The following HPSE2 variants were observed in gnomAD, a reference collection of about 807,000 sequenced individuals.
HPSE2 encodes heparanase 2 (inactive).
In HPSE2, 38 loss-of-function variants were observed where a neutral mutation model predicts 60.5. That is an observed-to-expected ratio of 0.63 (90% CI 0.48 to 0.82). HPSE2 has a LOEUF of 0.82. HPSE2 is among the 40% of genes least tolerant of loss of function. The pLI is 0.00. For missense variants in HPSE2, 713 were observed against 740.4 expected, an observed-to-expected ratio of 0.96 and a Z score of 0.43; for synonymous variants, 295 against 293.2, an observed-to-expected ratio of 1.01 and a Z score of -0.06.
intron 3 of HPSE2, among the ~76,000 whole-genome samples, chr10:99,024,210 A>G (rs1406966275): frequency 1.3e-5 from 2 of 152,200 alleles, no homozygotes; most frequent in Non-Finnish European, 2.9e-5. Flanking sequence ...TATACTGAAG[A>G]ATGCATCAGA....
At chr10:99,182,243 C>T (rs1847806311) in intron 2 of HPSE2, among the ~76,000 whole-genome samples, 1 of 152,154 alleles carries the variant, frequency 6.6e-6, no homozygotes, top group Non-Finnish European at 1.5e-5. Context: ...CCTCTAATTC[C>T]AGGCTTCTAC....
At chr10:99,236,000 T>C (rs1401868957), upstream of HPSE2, 1 of 224,838 alleles carries the variant, frequency 4.4e-6, no homozygotes, top group African/African-American at 3.7e-5. Flanking sequence ...TGTTTTTTTC[T>C]TTTTTTTTTT....
At chr10:98,870,565 T>C (rs559142501) in intron 3 of HPSE2, among the ~76,000 whole-genome samples, 1 of 152,088 alleles carries the variant, frequency 6.6e-6, no homozygotes, top group Non-Finnish European at 1.5e-5. Flanking sequence ...CCTTGAAAAC[T>C]GGATAGGAAA....
chr10:98,937,820 C>G (rs941482669), intron 3 of HPSE2, among the ~76,000 whole-genome samples: 2 of 143,160 alleles, frequency 1.4e-5, no homozygotes, highest in Non-Finnish European at 1.5e-5. Flanking sequence ...CCCAAGCAGC[C>G]TAACTGGGAG....
intron 2 of HPSE2, among the ~76,000 whole-genome samples, chr10:99,200,958 T>G (rs979744293): frequency 2.6e-5 from 4 of 152,192 alleles, no homozygotes; most frequent in African/African-American, 9.6e-5. Flanking sequence ...TCAAATTGTC[T>G]GCCTGCATTT....
At chr10:99,029,110 C>T (rs1052244061) in intron 3 of HPSE2, among the ~76,000 whole-genome samples, 1 of 152,100 alleles carries the variant, frequency 6.6e-6, no homozygotes, top group Non-Finnish European at 1.5e-5. Context: ...GTATAGGCAA[C>T]CAAAGAAGAA....
At chr10:99,240,188 T>A (rs965914647), upstream of HPSE2, among the ~76,000 whole-genome samples, 1 of 150,638 alleles carries the variant, frequency 6.6e-6, no homozygotes, top group South Asian at 2.1e-4. Context: ...AAACTCCATC[T>A]CAAAAAAAGA....
intron 3 of HPSE2, among the ~76,000 whole-genome samples, chr10:99,143,918 A>G (rs1214540096): frequency 6.6e-6 from 1 of 152,182 alleles, no homozygotes; most frequent in African/African-American, 2.4e-5. Context: ...CATACACAGA[A>G]AGAGGAAAAT....
the HPSE2 span, among the ~76,000 whole-genome samples, chr10:99,246,767 T>C: frequency 6.6e-6 from 1 of 152,022 alleles, no homozygotes; most frequent in Non-Finnish European, 1.5e-5. Context: ...AATCAATTTG[T>C]ATATATAGAA....
the HPSE2 span, among the ~76,000 whole-genome samples, chr10:99,315,425 C>G: frequency 6.6e-6 from 1 of 152,174 alleles, no homozygotes; most frequent in Non-Finnish European, 1.5e-5. Flanking sequence ...CACCGTCGTT[C>G]ACAGACGACC....
chr10:99,181,291 G>A (rs911670738), intron 2 of HPSE2, among the ~76,000 whole-genome samples: 3 of 147,596 alleles, frequency 2.0e-5, no homozygotes, highest in East Asian at 2.0e-4. Flanking sequence ...CCAGCTACTC[G>A]GGAGGCTGAG....
intron 9 of HPSE2, among the ~76,000 whole-genome samples, chr10:98,491,122 T>C (rs1941628412): frequency 6.6e-6 from 1 of 152,214 alleles, no homozygotes. Context: ...GTGAATATAC[T>C]ATTCAGTGCA....
At chr10:98,915,356 C>G (rs529636584) in intron 3 of HPSE2, among the ~76,000 whole-genome samples, 1 of 152,084 alleles carries the variant, frequency 6.6e-6, no homozygotes, top group Non-Finnish European at 1.5e-5. Context: ...ACTGTGTTAG[C>G]CAGGATGGTC....
chr10:99,077,739 C>G (rs7894666), intron 3 of HPSE2, among the ~76,000 whole-genome samples: 1 of 150,128 alleles, frequency 6.7e-6, no homozygotes, highest in Non-Finnish European at 1.5e-5. Context: ...TGTGTGTGTA[C>G]TACACACACA....
At chr10:98,702,907 C>T (rs1948448676) in intron 5 of HPSE2, among the ~76,000 whole-genome samples, 1 of 151,510 alleles carries the variant, frequency 6.6e-6, no homozygotes, top group Non-Finnish European at 1.5e-5. Context: ...CAAAAGCTAG[C>T]AGAAGAGAAG....
Position 98,663,533 on chromosome 10 carries a change from A to G in HPSE2, c.1005-21593T>C, listed in dbSNP as rs79151341. On this transcript the variant is annotated intron_variant, in intron 6 of 11. Transcript: ENST00000370552. ...ACATGTTGGGATCCAACAAGGGAGC[A>G]AGGGGACACAGGAAGAACAGAGAAG... 3.1e-3 allele frequency among the ~76,000 whole-genome samples: 467 copies of G among 152,266 alleles called. 1 individual carries two copies. The highest frequency in any genetic ancestry group is 0.011 in the African/African-American group (448 of 41,556).
chr10:98,834,761 C>A (rs1951756172), intron 3 of HPSE2, among the ~76,000 whole-genome samples: 1 of 152,034 alleles, frequency 6.6e-6, no homozygotes, highest in South Asian at 2.1e-4. Flanking sequence ...TAAAAGAACA[C>A]AATGCAACAG....
chr10:99,163,130 G>T (rs1331655439), intron 2 of HPSE2, among the ~76,000 whole-genome samples: 2 of 151,536 alleles, frequency 1.3e-5, no homozygotes, highest in Non-Finnish European at 2.9e-5. Context: ...AGAATGGCAT[G>T]AACCCAGGAG....
At chr10:98,782,944 T>TTTC (rs1950513699) in intron 3 of HPSE2, among the ~76,000 whole-genome samples, 1 of 137,948 alleles carries the variant, frequency 7.2e-6, no homozygotes, top group Non-Finnish European at 1.6e-5. Flanking sequence ...TTTTAATGTT[T>TTTC]TTTTTTTTAT....
Sources: gnomAD v4.1 joint callset for allele counts (sites outside exome capture counted in the v4.1 genomes callset) on GRCh38, gnomAD v4.1.1 for gene constraint, MANE v1.5 for transcripts, NCBI Gene and HGNC (gene_info 2026-07-23, HGNC 2026-07-21) for gene names.